SLC7A14: variants seen among roughly 807,000 people sequenced by gnomAD.
The protein encoded by SLC7A14 is gamma-aminobutyric acid transporter SLC7A14.
In SLC7A14, 37 loss-of-function variants were observed where a neutral mutation model predicts 60.2. That is an observed-to-expected ratio of 0.61 (90% CI 0.47 to 0.81). The LOEUF (loss-of-function observed/expected upper bound fraction) is 0.81. SLC7A14 is among the 30% of genes least tolerant of loss of function. The pLI, the probability that SLC7A14 is intolerant of heterozygous loss-of-function variation, is 0.00. For synonymous variants in SLC7A14, 399 were observed against 395.8 expected (o/e 1.01, Z -0.10); for missense variants, 886 against 982.7 (o/e 0.90, Z 1.32).
At chr3:170,484,147 A>C (rs1020692524) in intron 5 of SLC7A14, among the ~76,000 whole-genome samples, 6 of 152,240 alleles carry the variant, frequency 3.9e-5, no homozygotes, top group Non-Finnish European at 4.4e-5. Context: ...ATCAGGACAG[A>C]ATCAAGTCCT....
At chr3:170,565,452 C>T (rs1436817878) in intron 1 of SLC7A14, among the ~76,000 whole-genome samples, 1 of 152,034 alleles carries the variant, frequency 6.6e-6, no homozygotes, top group Non-Finnish European at 1.5e-5. Flanking sequence ...GTGCATGTGT[C>T]CATGGTGGTT....
chr3:170,529,903 G>A (rs1362079673), intron 1 of SLC7A14, among the ~76,000 whole-genome samples: 4 of 152,100 alleles, frequency 2.6e-5, no homozygotes, highest in Non-Finnish European at 5.9e-5. Flanking sequence ...AGATTGCCAC[G>A]AAAACACCAG....
intron 1 of SLC7A14, among the ~76,000 whole-genome samples, chr3:170,542,566 A>G (rs769265308): frequency 6.6e-6 from 1 of 152,180 alleles, no homozygotes; most frequent in African/African-American, 2.4e-5. Flanking sequence ...TCCAATGAAC[A>G]TATTTCAAGC....
At chr3:170,550,745 CTCCTGACCTCAGGTGA>C (rs1317823469) in intron 1 of SLC7A14, among the ~76,000 whole-genome samples, 5 of 151,838 alleles carry the variant, frequency 3.3e-5, no homozygotes, top group Non-Finnish European at 7.4e-5. Flanking sequence ...TGGTCTCGAA[CTCCTGACCTCAGGTGA>C]TCTGCCTGCC....
chr3:170,510,387 C>CAAA (rs200708263), intron 2 of SLC7A14, among the ~76,000 whole-genome samples: 61 of 98,212 alleles, frequency 6.2e-4, no homozygotes, highest in African/African-American at 9.7e-4. Flanking sequence ...AAGACTCTGT[C>CAAA]AAAAAAAAAA....
At chr3:170,526,497 G>T in intron 2 of SLC7A14, 136 bp downstream of exon 2, 2 of 1,079,348 alleles carry the variant, frequency 1.9e-6, no homozygotes, top group Non-Finnish European at 2.6e-6. Flanking sequence ...GGCAGTCAAG[G>T]CAAAAAAGAG....
intron 1 of SLC7A14, among the ~76,000 whole-genome samples, chr3:170,546,566 T>C (rs1293874699): frequency 3.3e-5 from 5 of 152,200 alleles, no homozygotes; most frequent in African/African-American, 1.2e-4. Context: ...AGGAATTTTA[T>C]AATTTCTCAA....
At chr3:170,518,844 TAAAAGCTGGTGCC>T (rs1430735675) in intron 2 of SLC7A14, among the ~76,000 whole-genome samples, 4 of 152,154 alleles carry the variant, frequency 2.6e-5, no homozygotes, top group Non-Finnish European at 5.9e-5. Context: ...TCCATGGGGC[TAAAAGCTGGTGCC>T]AAGAAGAAGA....
chr3:170,574,224 A>G (rs1715027977), intron 1 of SLC7A14, among the ~76,000 whole-genome samples: 1 of 152,240 alleles, frequency 6.6e-6, no homozygotes, highest in African/African-American at 2.4e-5. Flanking sequence ...GAAGTTATGT[A>G]TAAATGGAAA....
intron 7 of SLC7A14, among the ~76,000 whole-genome samples, chr3:170,470,338 GTAT>G (rs1348916766): frequency 2.7e-5 from 4 of 149,938 alleles, no homozygotes; most frequent in African/African-American, 1.0e-4. Context: ...GTGTGTGTGT[GTAT>G]GTGTGTGTGT....
Position 170,498,833 on chromosome 3 carries a change from A to C in SLC7A14, c.593T>G (p.Ile198Ser), listed in dbSNP as rs1472244396. The change falls in exon 4 of 8, where the codon ATC (isoleucine) becomes AGC (serine). Residue 198 changes from isoleucine to serine, a missense_variant. Coordinates refer to ENST00000231706, the MANE Select transcript of SLC7A14 (RefSeq NM_020949.3). The part of the protein sequence containing the change: ...PDLLALLIAV[I>S]VTIIVALGVK... ...CCCCAGAGCAACAATGATGGTCACG[A>C]TGACCGCGATCAACAGAGCCAGAAG... The C allele has an allele frequency of 6.2e-7, 1 of 1,614,196 alleles. No homozygotes were observed. Among genetic ancestry groups the C allele is most frequent in the East Asian group, 2.2e-5 (1 of 44,880 alleles).
At chr3:170,496,070 C>T in intron 4 of SLC7A14, 1 of 1,254,308 alleles carries the variant, frequency 8.0e-7, no homozygotes, top group East Asian at 2.3e-5. Context: ...TGGAGTCTCG[C>T]CTGGAAGGGC....
intron 1 of SLC7A14, among the ~76,000 whole-genome samples, chr3:170,543,054 A>G (rs528333012): frequency 6.6e-6 from 1 of 152,228 alleles, no homozygotes; most frequent in Non-Finnish European, 1.5e-5. Context: ...TATTCCTTAA[A>G]GCAGAGGGCT....
chr3:170,477,811 T>G (rs919152967), intron 7 of SLC7A14, among the ~76,000 whole-genome samples: 2 of 152,232 alleles, frequency 1.3e-5, no homozygotes, highest in Admixed American at 6.5e-5. Context: ...TTGAAAATAT[T>G]ACCAATGGAA....
At chr3:170,534,330 T>C (rs996071063) in intron 1 of SLC7A14, among the ~76,000 whole-genome samples, 1 of 152,220 alleles carries the variant, frequency 6.6e-6, no homozygotes, top group African/African-American at 2.4e-5. Context: ...AAAATGTCTC[T>C]ACTGCTTGTG....
At chr3:170,525,097 C>T (rs1160007239) in intron 2 of SLC7A14, among the ~76,000 whole-genome samples, 1 of 152,152 alleles carries the variant, frequency 6.6e-6, no homozygotes, top group Non-Finnish European at 1.5e-5. Context: ...GTTAGAATTC[C>T]CACTTCTCCT....
chr3:170,526,358 T>C (rs1234422038), intron 2 of SLC7A14, among the ~76,000 whole-genome samples: 3 of 146,078 alleles, frequency 2.1e-5, no homozygotes, highest in Non-Finnish European at 3.0e-5. Flanking sequence ...GCTGAGATCA[T>C]GCCACTGCAC....
At chr3:170,566,690 C>G (rs920007332) in intron 1 of SLC7A14, among the ~76,000 whole-genome samples, 1 of 151,930 alleles carries the variant, frequency 6.6e-6, no homozygotes, top group African/African-American at 2.4e-5. Context: ...CGTCAAGGCC[C>G]GGAAGAGATG....
At chr3:170,555,840 A>G (rs981048367) in intron 1 of SLC7A14, among the ~76,000 whole-genome samples, 5 of 152,252 alleles carry the variant, frequency 3.3e-5, no homozygotes, top group African/African-American at 1.2e-4. Context: ...GTAATTATCC[A>G]TGTTGATATT....
Sources: gnomAD v4.1 joint callset for allele counts (sites outside exome capture counted in the v4.1 genomes callset) on GRCh38, gnomAD v4.1.1 for gene constraint, MANE v1.5 for transcripts, NCBI Gene and HGNC (gene_info 2026-07-23, HGNC 2026-07-21) for gene names.